Variants in TENM3 observed in about 807,000 individuals in gnomAD.
TENM3 encodes the protein teneurin-3.
Under a neutral mutation model 255.1 loss-of-function variants are expected in TENM3, and 63 were observed. The observed-to-expected ratio is 0.25, with a 90% CI of 0.20 to 0.30. TENM3 has a LOEUF of 0.30. Among genes scored for constraint, TENM3 ranks in the 10% least tolerant of loss-of-function variants. The probability of loss-of-function intolerance (pLI) is 1.00; values close to 1 mark genes in which losing one functional copy is unlikely to be tolerated. For missense variants in TENM3, 2,929 were observed against 3,461.1 expected (o/e 0.85, Z 3.86); for synonymous variants, 1,306 against 1,322.3 (o/e 0.99, Z 0.27).
the TENM3 span, among the ~76,000 whole-genome samples, chr4:181,456,127 A>ATGTGTGTG: frequency 0.15 from 20,716 of 141,464 alleles, 1,514 homozygotes; most frequent in Admixed American, 0.18. Flanking sequence ...ATATATATAT[A>ATGTGTGTG]TGTGTGTGTG....
At chr4:181,928,161 A>G in the TENM3 span, among the ~76,000 whole-genome samples, 1,015 of 152,186 alleles carry the variant, frequency 6.7e-3, 15 homozygotes, top group African/African-American at 0.023. Flanking sequence ...AAGGGAACAA[A>G]ACTGGGTGGA....
chr4:182,389,064 G>C (rs1368187818), intron 3 of TENM3, among the ~76,000 whole-genome samples: 1 of 152,182 alleles, frequency 6.6e-6, no homozygotes, highest in Non-Finnish European at 1.5e-5. Flanking sequence ...ATATGAAGAA[G>C]GAAGGAAGAT....
chr4:182,116,659 T>C, the TENM3 span, among the ~76,000 whole-genome samples: 1 of 152,192 alleles, frequency 6.6e-6, no homozygotes, highest in African/African-American at 2.4e-5. Flanking sequence ...CCTTTGTAAA[T>C]TACCCAGTCT....
chr4:181,920,461 G>T, the TENM3 span, among the ~76,000 whole-genome samples: 3 of 152,172 alleles, frequency 2.0e-5, no homozygotes, highest in African/African-American at 7.2e-5. Context: ...TTGTGGTTTT[G>T]ATTTGCATTT....
At chr4:181,870,185 T>C in the TENM3 span, among the ~76,000 whole-genome samples, 1 of 152,202 alleles carries the variant, frequency 6.6e-6, no homozygotes, top group Non-Finnish European at 1.5e-5. Context: ...TACTCTTGAA[T>C]AGTATTTCAT....
At chr4:182,695,408 A>G (rs1298054446) in intron 12 of TENM3, among the ~76,000 whole-genome samples, 3 of 152,152 alleles carry the variant, frequency 2.0e-5, no homozygotes, top group Admixed American at 2.0e-4. Context: ...TCACACTCCA[A>G]CATCCTCTCC....
intron 1 of TENM3, among the ~76,000 whole-genome samples, chr4:182,167,898 A>G (rs1751830567): frequency 2.6e-5 from 4 of 152,148 alleles, no homozygotes; most frequent in African/African-American, 9.7e-5. Flanking sequence ...AAATAAATAA[A>G]TAAGTAAATT....
At chr4:182,512,036 C>T (rs1446239820) in intron 3 of TENM3, among the ~76,000 whole-genome samples, 2 of 152,166 alleles carry the variant, frequency 1.3e-5, no homozygotes, top group Non-Finnish European at 2.9e-5. Flanking sequence ...ATCAGACATT[C>T]TCATCAAAGG....
At chr4:182,694,923 A>T (rs1393248301) in intron 12 of TENM3, among the ~76,000 whole-genome samples, 1 of 152,238 alleles carries the variant, frequency 6.6e-6, no homozygotes, top group East Asian at 1.9e-4. Flanking sequence ...TTGTTAAATT[A>T]AAAAGTAAGT....
the TENM3 span, among the ~76,000 whole-genome samples, chr4:182,018,228 T>G: frequency 4.5e-4 from 68 of 152,310 alleles, no homozygotes; most frequent in African/African-American, 1.6e-3. Flanking sequence ...CTGGTCTGCT[T>G]GTAAATTTCT....
At chr4:181,899,757 G>C in the TENM3 span, among the ~76,000 whole-genome samples, 4 of 151,990 alleles carry the variant, frequency 2.6e-5, no homozygotes, top group East Asian at 7.7e-4. Context: ...TAGAAGAGAT[G>C]GGGTTTCACC....
intron 5 of TENM3, among the ~76,000 whole-genome samples, chr4:182,636,401 C>G (rs570389669): frequency 1.3e-5 from 2 of 152,262 alleles, no homozygotes; most frequent in Non-Finnish European, 2.9e-5. Context: ...GTATTTTACT[C>G]TTAGTTTGAT....
At chr4:181,615,185 G>C in the TENM3 span, among the ~76,000 whole-genome samples, 1 of 152,058 alleles carries the variant, frequency 6.6e-6, no homozygotes, top group Non-Finnish European at 1.5e-5. Context: ...ACTAGGACTG[G>C]GTGGGAGAGT....
the TENM3 span, among the ~76,000 whole-genome samples, chr4:181,883,147 A>ATTTTTTTT: frequency 1.9e-4 from 6 of 31,604 alleles, no homozygotes; most frequent in African/African-American, 7.2e-4. Context: ...TTGCTTCTTA[A>ATTTTTTTT]TAACTGGTTT....
chr4:182,187,330 A>T (rs1048192308), intron 1 of TENM3, among the ~76,000 whole-genome samples: 2 of 152,296 alleles, frequency 1.3e-5, no homozygotes, highest in South Asian at 2.1e-4. Context: ...CATGTAGTAA[A>T]TTTATTAAGA....
At chr4:182,183,319 G>A (rs907860985) in intron 1 of TENM3, among the ~76,000 whole-genome samples, 4 of 152,096 alleles carry the variant, frequency 2.6e-5, no homozygotes, top group African/African-American at 9.7e-5. Context: ...CTTTAATCAA[G>A]CCAGAACCCA....
chr4:181,819,574 G>A, the TENM3 span, among the ~76,000 whole-genome samples: 1 of 152,102 alleles, frequency 6.6e-6, no homozygotes, highest in Non-Finnish European at 1.5e-5. Context: ...TTGGCACCAG[G>A]GACTGGTTTC....
chr4:182,403,391 T>A (rs144345312), intron 3 of TENM3, among the ~76,000 whole-genome samples: 18 of 152,322 alleles, frequency 1.2e-4, no homozygotes, highest in African/African-American at 4.3e-4. Context: ...CTGCTATACC[T>A]TGTAACTTGC....
At chr4:182,509,501 A>G (rs1043164568) in intron 3 of TENM3, among the ~76,000 whole-genome samples, 2 of 152,214 alleles carry the variant, frequency 1.3e-5, no homozygotes, top group Non-Finnish European at 2.9e-5. Context: ...TTTCTGGAAT[A>G]TTAGAAGGAC....
Sources: gnomAD v4.1 joint callset for allele counts (sites outside exome capture counted in the v4.1 genomes callset) on GRCh38, gnomAD v4.1.1 for gene constraint, MANE v1.5 for transcripts, NCBI Gene and HGNC (gene_info 2026-07-23, HGNC 2026-07-21) for gene names.